TRAP1: variants seen among roughly 807,000 people sequenced by gnomAD.
TRAP1 encodes heat shock protein 75 kDa, mitochondrial.
A neutral mutation model predicts 89.1 loss-of-function variants in TRAP1; 102 were observed. The ratio of observed to expected loss-of-function variants is 1.15; its 90% confidence interval spans 0.98 to 1.35. The LOEUF is 1.35. TRAP1 is among the 40% of genes most tolerant of loss of function. TRAP1 has a pLI of 0.00. For synonymous variants in TRAP1, 508 were observed against 388.0 expected, an observed-to-expected ratio of 1.31 and a Z score of -3.64; for missense variants, 1,256 against 945.3, an observed-to-expected ratio of 1.33 and a Z score of -4.31.
chr16:3,663,231 C>G (rs1369535504), intron 14 of TRAP1, 193 bp downstream of exon 14: 3 of 746,386 alleles, frequency 4.0e-6, no homozygotes, highest in East Asian at 2.7e-5. Flanking sequence ...GGCAGGAGCA[C>G]TGGACAGACC....
intron 1 of TRAP1, among the ~76,000 whole-genome samples, chr16:3,696,445 G>C (rs1218515993): frequency 1.3e-5 from 2 of 152,170 alleles, no homozygotes; most frequent in Non-Finnish European, 2.9e-5. Context: ...CACTTAAACA[G>C]AGGAGGAGCA....
chr16:3,671,563 G>A (rs1031574598), intron 11 of TRAP1, among the ~76,000 whole-genome samples, 159 bp downstream of exon 11: 1 of 152,220 alleles, frequency 6.6e-6, no homozygotes, highest in African/African-American at 2.4e-5. Flanking sequence ...GGCCAGGCCA[G>A]CACCTGGAAG....
intron 1 of TRAP1, among the ~76,000 whole-genome samples, chr16:3,699,403 G>A (rs188391544): frequency 2.0e-5 from 3 of 152,216 alleles, no homozygotes; most frequent in South Asian, 2.1e-4. Flanking sequence ...TTGGGAGGCC[G>A]AGGCGGGTGG....
intron 4 of TRAP1, 52 bp from the exon 5 acceptor site, chr16:3,679,842 G>C (rs543158260): frequency 6.3e-7 from 1 of 1,587,100 alleles, no homozygotes; most frequent in Non-Finnish European, 8.6e-7. Context: ...GGGGAGCCGG[G>C]TGAGTGCACC....
rs1427534862 is a variant in TRAP1 at position 3,676,031 on chromosome 16, C to A, written c.814+5G>T. 6.2e-7 allele frequency: 1 copy of A among 1,611,254 alleles called. No individual in the cohort carries two copies. The highest frequency in any genetic ancestry group is 8.5e-7 in the Non-Finnish European group (1 of 1,178,662). On this transcript the variant is annotated splice_donor_5th_base_variant and intron_variant, in intron 7 of 17. Transcript: ENST00000246957. ...GAGTGAGCCTGGGCCCGGGCTCCCGCTCACCTCGCACCCGGGCCTCGCTGG... is the reference window on the plus strand; with the variant it reads ...GAGTGAGCCTGGGCCCGGGCTCCCGATCACCTCGCACCCGGGCCTCGCTGG...
chr16:3,693,963 T>C (rs942312369), intron 1 of TRAP1, among the ~76,000 whole-genome samples: 1 of 150,370 alleles, frequency 6.7e-6, no homozygotes, highest in Admixed American at 6.7e-5. Context: ...ACCGCACTTC[T>C]GCACTTCAGG....
intron 7 of TRAP1, among the ~76,000 whole-genome samples, chr16:3,675,627 C>T (rs932726703): frequency 5.3e-5 from 8 of 152,160 alleles, no homozygotes; most frequent in East Asian, 1.9e-4. Flanking sequence ...CCGGCTGCTG[C>T]GAGACTGCAA....
chr16:3,702,161 T>C (rs2051374703), intron 1 of TRAP1, among the ~76,000 whole-genome samples: 1 of 151,956 alleles, frequency 6.6e-6, no homozygotes, highest in Non-Finnish European at 1.5e-5. Context: ...AAAGTGCTAA[T>C]GTTTTCCCTG....
At chr16:3,712,605 C>A (rs1433109025) in intron 1 of TRAP1, among the ~76,000 whole-genome samples, 4 of 152,112 alleles carry the variant, frequency 2.6e-5, no homozygotes, top group African/African-American at 9.7e-5. Flanking sequence ...CTCTTACATT[C>A]GGATTGATGT....
Position 3,672,650 on chromosome 16 carries a change from G to A in TRAP1, c.1165+50C>T, listed in dbSNP as rs373170342. 4.6e-5 allele frequency: 72 copies of A among 1,567,162 alleles called. No homozygotes were observed. The East Asian group carries it at 5.3e-4, about 12-fold the overall frequency. ...CAGCACGGTCCCTCACAGATGCAGC[G>A]GGCGACACTGGGCCACGGGGGCACT... On this transcript the variant is annotated intron_variant, in intron 10 of 17. Coordinates refer to ENST00000246957, the MANE Select transcript of TRAP1 (RefSeq NM_016292.3).
chr16:3,697,152 T>G (rs2051299227), intron 1 of TRAP1, among the ~76,000 whole-genome samples: 1 of 152,216 alleles, frequency 6.6e-6, no homozygotes, highest in South Asian at 2.1e-4. Context: ...AAGTCAGTGT[T>G]GAGATGAAAC....
chr16:3,702,659 C>G (rs1039762320), intron 1 of TRAP1, among the ~76,000 whole-genome samples: 1 of 151,520 alleles, frequency 6.6e-6, no homozygotes, highest in Admixed American at 6.6e-5. Context: ...GCGGAAGGAT[C>G]ACTTGAGACC....
chr16:3,702,608 G>T (rs2151278820), intron 1 of TRAP1, among the ~76,000 whole-genome samples: 1 of 151,682 alleles, frequency 6.6e-6, no homozygotes, highest in East Asian at 1.9e-4. Context: ...GGTGGACATG[G>T]TGACACGCAC....
chr16:3,662,544 A>G (rs2043144106), intron 15 of TRAP1: 2 of 551,812 alleles, frequency 3.6e-6, no homozygotes, highest in Non-Finnish European at 6.8e-6. Flanking sequence ...TAAGCACCCA[A>G]GTGAGCATGT....
At chr16:3,672,375 C>G (rs1162865772) in intron 10 of TRAP1, among the ~76,000 whole-genome samples, 3 of 152,138 alleles carry the variant, frequency 2.0e-5, no homozygotes, top group African/African-American at 7.2e-5. Flanking sequence ...CTCTGTGTAC[C>G]AAGGCTTAAA....
chr16:3,682,078 G>C (rs1166780005), intron 4 of TRAP1, among the ~76,000 whole-genome samples: 3 of 152,114 alleles, frequency 2.0e-5, no homozygotes, highest in African/African-American at 4.8e-5. Flanking sequence ...CTTGATTTTT[G>C]ACAAAGATTC....
intron 11 of TRAP1, among the ~76,000 whole-genome samples, chr16:3,666,543 G>A (rs1055582138): frequency 1.4e-5 from 2 of 142,942 alleles, no homozygotes; most frequent in Admixed American, 6.8e-5. Context: ...CTAAAATTAT[G>A]TAATGCTAAA....
intron 1 of TRAP1, among the ~76,000 whole-genome samples, chr16:3,711,049 G>GT (rs1299926687): frequency 6.6e-6 from 1 of 150,552 alleles, no homozygotes; most frequent in Non-Finnish European, 1.5e-5. Context: ...AAAAAAAAGG[G>GT]TTTTTTGGTA....
chr16:3,692,534 TC>T (rs2051228558), intron 1 of TRAP1, among the ~76,000 whole-genome samples: 1 of 124,070 alleles, frequency 8.1e-6, no homozygotes, highest in African/African-American at 3.3e-5. Flanking sequence ...ACATTCTGTC[TC>T]AAAAAAAAAA....
Sources: gnomAD v4.1 joint callset for allele counts (sites outside exome capture counted in the v4.1 genomes callset) on GRCh38, gnomAD v4.1.1 for gene constraint, MANE v1.5 for transcripts, NCBI Gene and HGNC (gene_info 2026-07-23, HGNC 2026-07-21) for gene names.